C3orf20: variants seen among roughly 807,000 people sequenced by gnomAD.
C3orf20 encodes the protein family with sequence similarity 149 member C.
C3orf20 carries 76 observed loss-of-function variants against 88.3 expected under a neutral mutation model. The ratio of observed to expected loss-of-function variants is 0.86; its 90% CI spans 0.72 to 1.04. The LOEUF (loss-of-function observed/expected upper bound fraction) is 1.04. C3orf20 is among the 50% of genes least tolerant of loss of function. C3orf20 has a pLI of 0.00. For synonymous variants in C3orf20, 436 were observed against 437.4 expected, an observed-to-expected ratio of 1.00 and a Z score of 0.04; for missense variants, 1,056 against 1,123.3, an observed-to-expected ratio of 0.94 and a Z score of 0.86.
At chr3:14,716,351 C>G (rs2033940841) in intron 9 of C3orf20, among the ~76,000 whole-genome samples, 1 of 152,218 alleles carries the variant, frequency 6.6e-6, no homozygotes, top group South Asian at 2.1e-4. Flanking sequence ...AGAAAGATCA[C>G]AGAACATAGC....
At chr3:14,754,258 G>A (rs1418535844) in intron 12 of C3orf20, among the ~76,000 whole-genome samples, 1 of 152,196 alleles carries the variant, frequency 6.6e-6, no homozygotes, top group African/African-American at 2.4e-5. Flanking sequence ...TGCTTCCCAG[G>A]AGGGACTGCT....
chr3:14,744,621 A>T (rs2125013894), intron 12 of C3orf20, among the ~76,000 whole-genome samples: 1 of 152,066 alleles, frequency 6.6e-6, no homozygotes, highest in Non-Finnish European at 1.5e-5. Flanking sequence ...ACTGGGAATG[A>T]AAAAAGGTTA....
chr3:14,685,370 C>T (rs1384601246), intron 4 of C3orf20, among the ~76,000 whole-genome samples: 1 of 151,986 alleles, frequency 6.6e-6, no homozygotes, highest in Non-Finnish European at 1.5e-5. Flanking sequence ...AGAAGGGGAA[C>T]AGGATCTGGA....
chr3:14,714,044 A>C lies in C3orf20; in HGVS notation c.1198A>C (p.Thr400Pro). 1 of 1,614,120 alleles carries C rather than the reference A, an allele frequency of 6.2e-7. No homozygotes were observed. Among genetic ancestry groups the C allele is most frequent in the Non-Finnish European group, 8.5e-7 (1 of 1,180,018 alleles). Reference protein sequence around the residue: ...SGNVAVCQIPTCCRGRTITCL... With the variant: ...SGNVAVCQIPPCCRGRTITCL... ...AAACGTCGCTGTATGTCAGATCCCC[A>C]CATGCTGCAGAGGGAGAACCATCAC... The change falls in exon 8 of 17, where the codon ACA (threonine) becomes CCA (proline). Residue 400 changes from threonine (T) to proline (P), a missense_variant. Transcript: ENST00000253697.
In C3orf20 at chr3:14,772,831, G is replaced by C. The variant is rs764426748; in HGVS notation, c.2671G>C (p.Asp891His). 1 of 1,613,982 alleles carries C rather than the reference G, an allele frequency of 6.2e-7. No individual in the cohort carries two copies. Among genetic ancestry groups the C allele is most frequent in the Non-Finnish European group, 8.5e-7 (1 of 1,179,998 alleles). ...PEVELHPLSR[D>H]SKITSWKKQA... is the part of the protein sequence containing the mutation. ...AGTGGAGCTACATCCTCTCAGCAGG[G>C]ACAGCAAGATAACTAGTTGGAAGAA... The change falls in exon 17 of 17, where the codon GAC (aspartate) becomes CAC (histidine). Residue 891 changes from aspartate to histidine, a missense_variant. By Grantham distance (81) the Asp-to-His change is moderately conservative (BLOSUM62 -1). Coordinates refer to ENST00000253697, the MANE Select transcript of C3orf20 (RefSeq NM_032137.5). This position sits in a 1 kb window ranked among gnomAD's most constrained non-coding sequence, Gnocchi z 4.2.
chr3:14,727,060 T>G, intron 11 of C3orf20, 36 bp downstream of exon 11: 1 of 1,612,988 alleles, frequency 6.2e-7, no homozygotes, highest in Non-Finnish European at 8.5e-7. Context: ...GGCCTATCTG[T>G]TGGCTTCCCC....
At chr3:14,687,187 A>G (rs1204647740) in intron 4 of C3orf20, among the ~76,000 whole-genome samples, 3 of 152,238 alleles carry the variant, frequency 2.0e-5, no homozygotes, top group Non-Finnish European at 4.4e-5. Context: ...TTTTATTGCC[A>G]TGATACAATC....
chr3:14,740,448 A>G (rs570176628), intron 12 of C3orf20, among the ~76,000 whole-genome samples: 1 of 152,338 alleles, frequency 6.6e-6, no homozygotes, highest in South Asian at 2.1e-4. Flanking sequence ...CACTTAACAC[A>G]GATTACCATA....
intron 12 of C3orf20, among the ~76,000 whole-genome samples, chr3:14,753,421 G>T (rs1401738092): frequency 2.0e-5 from 3 of 152,078 alleles, no homozygotes; most frequent in Admixed American, 6.5e-5. Context: ...AAACCAACAT[G>T]GCACATGTAT....
intron 5 of C3orf20, among the ~76,000 whole-genome samples, chr3:14,698,007 T>G (rs2033083817): frequency 6.6e-6 from 1 of 152,208 alleles, no homozygotes; most frequent in African/African-American, 2.4e-5. Flanking sequence ...TGAATAGTGC[T>G]GCAATGAACA....
intron 13 of C3orf20, among the ~76,000 whole-genome samples, 190 bp from the exon 14 acceptor site, chr3:14,759,701 A>T (rs986091523): frequency 1.3e-5 from 2 of 152,164 alleles, no homozygotes; most frequent in African/African-American, 4.8e-5. Flanking sequence ...AGATCCAGGG[A>T]CATCCTCAAG....
chr3:14,728,565 G>T lies in C3orf20; in HGVS notation c.1817G>T (p.Arg606Leu), dbSNP rs765984059. 6.2e-6 allele frequency: 10 copies of T among 1,614,062 alleles called. No individual in the cohort carries two copies. Among genetic ancestry groups the T allele is most frequent in the Non-Finnish European group, 8.5e-6 (10 of 1,180,038 alleles). The change falls in exon 12 of 17, where the codon CGA (arginine) becomes CTA (leucine). Residue 606 changes from arginine to leucine, a missense_variant. Physicochemically the swap from Arg to Leu is moderately radical, Grantham distance 102. Coordinates refer to ENST00000253697, the MANE Select transcript of C3orf20 (RefSeq NM_032137.5). ...LSLYSGESLL[R>L]SQSGHLESSI... ...TTATACTCAGGAGAAAGTCTTTTAC[G>T]ATCTCAGTCAGGCCACCTGGAATCC...
Position 14,772,278 on chromosome 3 carries a change from T to A in C3orf20, c.2630+77T>A, listed in dbSNP as rs2125050470. 1 of 1,583,638 alleles carries A rather than the reference T, an allele frequency of 6.3e-7. No homozygotes were observed. Among genetic ancestry groups the A allele is most frequent in the East Asian group, 2.2e-5 (1 of 44,694 alleles). ...TCGGGGCTATTTGGCCTTGGGCAAG[T>A]CACTACCCCCAGGCGTGGCCTGGGT... On this transcript the variant is annotated intron_variant, in intron 16 of 16. Coordinates refer to ENST00000253697, the MANE Select transcript of C3orf20 (RefSeq NM_032137.5). The surrounding 1 kb of genome is among the most constrained non-coding windows in gnomAD (Gnocchi z 4.2).
intron 11 of C3orf20, 109 bp from the exon 12 acceptor site, chr3:14,728,330 G>A (rs2034426942): frequency 4.5e-6 from 6 of 1,320,916 alleles, no homozygotes; most frequent in Non-Finnish European, 6.4e-6. Context: ...GAGCGGAGGG[G>A]AGGAGATGGG....
intron 5 of C3orf20, among the ~76,000 whole-genome samples, chr3:14,694,080 G>A (rs997708215): frequency 6.6e-6 from 1 of 152,134 alleles, no homozygotes; most frequent in African/African-American, 2.4e-5. Flanking sequence ...TTTTTAATGT[G>A]TTGTTGAATT....
intron 13 of C3orf20, among the ~76,000 whole-genome samples, chr3:14,758,727 G>A (rs563329118): frequency 9.2e-5 from 14 of 152,188 alleles, no homozygotes; most frequent in African/African-American, 9.7e-5. Context: ...CCCTGACTCT[G>A]GCACGTCCAC....
In C3orf20 at chr3:14,707,422, C is replaced by T. The variant is rs543364780; in HGVS notation, c.1160+2804C>T. 2.2e-4 allele frequency among the ~76,000 whole-genome samples: 33 copies of T among 147,844 alleles called. No individual in the cohort carries two copies. The South Asian group carries it at 3.5e-3, about 15-fold the overall frequency. ...GTTTTAACTTATGTTTACCTAATGA[C>T]GAATGGCGTAGAGCATCTTTTCTTG... On this transcript the variant is annotated intron_variant, in intron 7 of 16. Transcript: ENST00000253697.
At position 14,682,607 on chromosome 3, in the gene C3orf20, C is replaced by T. The variant is rs907669728; in HGVS notation, c.-107C>T. 7 of 1,412,026 alleles carry T rather than the reference C, an allele frequency of 5.0e-6. No homozygotes were observed. In the East Asian group the frequency reaches 6.9e-5, roughly 14 times the overall value. The allele number at this position is 1,412,026 out of a possible 1,614,324, so 87.5% of individuals were successfully genotyped here. On this transcript the variant is annotated 5_prime_UTR_variant, in exon 3 of 17. Coordinates refer to ENST00000253697, the MANE Select transcript of C3orf20 (RefSeq NM_032137.5). ...CACTGGCTCAATGACCTGTAAGGGC[C>T]GTTTCAGCACATCCATTCTGTCCAT...
intron 12 of C3orf20, among the ~76,000 whole-genome samples, chr3:14,732,608 G>A (rs577203355): frequency 2.0e-5 from 3 of 152,304 alleles, no homozygotes; most frequent in East Asian, 1.9e-4. Flanking sequence ...GACAATATTT[G>A]GAGATATTTT....
Sources: allele counts gnomAD v4.1 joint callset (sites outside exome capture counted in the v4.1 genomes callset), GRCh38; gene constraint gnomAD v4.1.1; non-coding constraint Gnocchi (gnomAD v3.1); transcripts MANE v1.5; gene names NCBI Gene and HGNC (gene_info 2026-07-23, HGNC 2026-07-21).